ALK: variants seen among roughly 807,000 people sequenced by gnomAD.
The protein encoded by ALK is ALK tyrosine kinase receptor.
In ALK, 74 loss-of-function variants were observed where a neutral mutation model predicts 163.1. The ratio of observed to expected loss-of-function variants is 0.45; its 90% CI spans 0.38 to 0.55. The LOEUF (loss-of-function observed/expected upper bound fraction) is 0.55, where lower values mean the gene tolerates loss of function less well. Among genes scored for constraint, ALK ranks in the 20% least tolerant of loss-of-function variants. The pLI, the probability that ALK is intolerant of heterozygous loss-of-function variation, is 0.00. For missense variants in ALK, 2,063 were observed against 2,105.3 expected, an observed-to-expected ratio of 0.98 and a Z score of 0.39; for synonymous variants, 960 against 843.2, an observed-to-expected ratio of 1.14 and a Z score of -2.40.
At chr2:29,371,444 C>T (rs1197017693) in intron 5 of ALK, among the ~76,000 whole-genome samples, 1 of 152,206 alleles carries the variant, frequency 6.6e-6, no homozygotes, top group African/African-American at 2.4e-5. Flanking sequence ...GTGAGGAGCT[C>T]TGTCCAGGGG....
rs1169101769 is a variant in ALK at position 29,252,288 on chromosome 2, A to C, written c.2042-1021T>G. 2.6e-5 allele frequency among the ~76,000 whole-genome samples: 4 copies of C among 152,138 alleles called. No homozygotes were observed. The East Asian group carries it at 7.7e-4, about 29-fold the overall frequency. ...AATTCTAACATTTTTACAACCTATAAAAACTTTTAAAAAGGTGTTGTTGAT... is the reference window on the plus strand; with the variant it reads ...AATTCTAACATTTTTACAACCTATACAAACTTTTAAAAAGGTGTTGTTGAT... On this transcript the variant is annotated intron_variant, in intron 11 of 28. Transcript: ENST00000389048.
intron 2 of ALK, 103 bp downstream of exon 2, chr2:29,717,475 A>C: frequency 4.3e-6 from 6 of 1,399,624 alleles, no homozygotes; most frequent in Non-Finnish European, 5.1e-6. Context: ...TAGGGAGCTG[A>C]GGGAATGCCC....
chr2:29,446,282 G>A (rs1359286099), intron 4 of ALK, among the ~76,000 whole-genome samples: 1 of 151,962 alleles, frequency 6.6e-6, no homozygotes, highest in Non-Finnish European at 1.5e-5. Context: ...GGTCCATGAG[G>A]CCTGGATTTG....
chr2:29,650,902 G>A (rs1287564190), intron 3 of ALK, among the ~76,000 whole-genome samples: 3 of 152,124 alleles, frequency 2.0e-5, no homozygotes, highest in Non-Finnish European at 1.5e-5. Context: ...CAATGCTGAT[G>A]CTCTCCAGAT....
At chr2:29,785,505 T>A (rs1229095385) in intron 1 of ALK, among the ~76,000 whole-genome samples, 1 of 152,168 alleles carries the variant, frequency 6.6e-6, no homozygotes, top group Admixed American at 6.5e-5. Context: ...CCCAAATACA[T>A]CTGAAAGATG....
At chr2:29,528,802 T>C (rs1430874112) in intron 4 of ALK, among the ~76,000 whole-genome samples, 1 of 152,208 alleles carries the variant, frequency 6.6e-6, no homozygotes, top group Non-Finnish European at 1.5e-5. Flanking sequence ...TGGCCACTAA[T>C]TTCTAGCTAA....
At chr2:29,355,491 G>C (rs904542521) in intron 5 of ALK, among the ~76,000 whole-genome samples, 4 of 150,238 alleles carry the variant, frequency 2.7e-5, no homozygotes, top group African/African-American at 9.8e-5. Context: ...ACCACACACA[G>C]ACACACACAC....
chr2:29,289,288 C>A (rs1665954351), intron 9 of ALK, among the ~76,000 whole-genome samples: 1 of 152,154 alleles, frequency 6.6e-6, no homozygotes, highest in South Asian at 2.1e-4. Context: ...CTGATGAAGC[C>A]AGGGACTCTG....
At chr2:29,484,014 T>C (rs905695508) in intron 4 of ALK, among the ~76,000 whole-genome samples, 1 of 152,150 alleles carries the variant, frequency 6.6e-6, no homozygotes. Context: ...AAAGAGAGCA[T>C]GTGCAGGGGG....
chr2:29,572,075 C>T (rs770047817), intron 3 of ALK, among the ~76,000 whole-genome samples: 5 of 152,148 alleles, frequency 3.3e-5, no homozygotes, highest in Admixed American at 6.5e-5. Flanking sequence ...CTGGAGGCAA[C>T]GCTTAACTTT....
intron 10 of ALK, 38 bp downstream of exon 10, chr2:29,275,364 G>A (rs749453474): frequency 6.2e-7 from 1 of 1,611,304 alleles, no homozygotes. Flanking sequence ...GGGCCATGGG[G>A]GTTGGGGGAC....
At chr2:29,919,318 T>C (rs1418897665) in intron 1 of ALK, among the ~76,000 whole-genome samples, 3 of 152,068 alleles carry the variant, frequency 2.0e-5, no homozygotes, top group Non-Finnish European at 4.4e-5. Context: ...TCTTGACAAC[T>C]TTCCTTCCTT....
chr2:29,611,770 ATCTC>A (rs1558407709), intron 3 of ALK, among the ~76,000 whole-genome samples: 1 of 151,994 alleles, frequency 6.6e-6, no homozygotes, highest in Non-Finnish European at 1.5e-5. Context: ...CCTTCGCTCT[ATCTC>A]TCTGTCTCCT....
rs752236295 is a variant in ALK at position 29,227,495 on chromosome 2, G to C, written c.2914+79C>G. On this transcript the variant is annotated intron_variant, in intron 17 of 28. Transcript: ENST00000389048. This position sits in a 1 kb window ranked among gnomAD's most constrained non-coding sequence, Gnocchi z 4.4. ...ATTGTGCCTCTGTATCCTGGATACA[G>C]GTCAGAGACTCTGAGGTTTTAGCTT... is the stretch of plus-strand genomic sequence containing the variant. 2.6e-5 allele frequency: 32 copies of C among 1,237,922 alleles called. No homozygotes were observed. Among genetic ancestry groups the C allele is most frequent in the Non-Finnish European group, 3.8e-5 (32 of 836,850 alleles). 76.7% of individuals were successfully genotyped at this position (1,237,922 alleles called of 1,614,324 possible).
chr2:29,336,895 C>T (rs1667630853), intron 5 of ALK, among the ~76,000 whole-genome samples: 1 of 152,124 alleles, frequency 6.6e-6, no homozygotes, highest in Non-Finnish European at 1.5e-5. Context: ...AGTGCTGCTT[C>T]AGTGAGAAGG....
At chr2:29,542,251 A>AT (rs1264680988) in intron 3 of ALK, among the ~76,000 whole-genome samples, 3 of 151,492 alleles carry the variant, frequency 2.0e-5, no homozygotes, top group East Asian at 1.9e-4. Context: ...TTTCTAGCTG[A>AT]TTTTTTTCTA....
intron 3 of ALK, among the ~76,000 whole-genome samples, chr2:29,535,708 C>T (rs1373328126): frequency 6.6e-6 from 1 of 152,120 alleles, no homozygotes; most frequent in Non-Finnish European, 1.5e-5. Flanking sequence ...CTGCTACTAC[C>T]AACCTTCCTT....
chr2:29,493,733 T>G (rs2148126575), intron 4 of ALK, among the ~76,000 whole-genome samples: 1 of 152,338 alleles, frequency 6.6e-6, no homozygotes, highest in East Asian at 1.9e-4. Flanking sequence ...CACATAGGTG[T>G]GCCCTCTGTC....
At chr2:29,198,456 T>G (rs544330343) in intron 26 of ALK, among the ~76,000 whole-genome samples, 121 of 152,278 alleles carry the variant, frequency 7.9e-4, no homozygotes, top group African/African-American at 2.9e-3. Context: ...CATCCAACAG[T>G]CAGCAGTCCT....
Sources: gnomAD v4.1 joint callset for allele counts (sites outside exome capture counted in the v4.1 genomes callset) on GRCh38, gnomAD v4.1.1 for gene constraint, Gnocchi (gnomAD v3.1) non-coding constraint, MANE v1.5 for transcripts, NCBI Gene and HGNC (gene_info 2026-07-23, HGNC 2026-07-21) for gene names.